Variants in TENM2 observed in about 807,000 individuals in gnomAD.
The protein encoded by TENM2 is teneurin transmembrane protein 2.
A neutral mutation model predicts 245.2 loss-of-function variants in TENM2; 52 were observed. The ratio of observed to expected loss-of-function variants is 0.21; its 90% CI spans 0.17 to 0.27. The LOEUF is 0.27. TENM2 is among the 10% of genes least tolerant of loss of function. TENM2 has a pLI of 1.00. For missense variants in TENM2, 3,046 were observed against 3,666.8 expected (o/e 0.83, Z 4.37); for synonymous variants, 1,363 against 1,438.9 (o/e 0.95, Z 1.19).
intron 2 of TENM2, among the ~76,000 whole-genome samples, chr5:167,385,567 T>A (rs1013090330): frequency 1.3e-5 from 2 of 151,556 alleles, no homozygotes; most frequent in Admixed American, 1.3e-4. Context: ...CATGAGTGAG[T>A]TCTTTAGTGG....
At chr5:168,157,044 C>T (rs1216067143) in intron 12 of TENM2, among the ~76,000 whole-genome samples, 2 of 152,076 alleles carry the variant, frequency 1.3e-5, no homozygotes, top group South Asian at 4.1e-4. Context: ...CATGGCCTAG[C>T]GAGCATCAAG....
chr5:168,158,377 C>G (rs1011775918), intron 12 of TENM2, among the ~76,000 whole-genome samples: 10 of 152,034 alleles, frequency 6.6e-5, no homozygotes, highest in Non-Finnish European at 1.2e-4. Context: ...GGCAGGCAGA[C>G]AGAAAAGATA....
intron 2 of TENM2, among the ~76,000 whole-genome samples, chr5:167,448,465 C>T (rs539193495): frequency 3.3e-5 from 5 of 149,586 alleles, no homozygotes; most frequent in East Asian, 3.9e-4. Flanking sequence ...CTAAACATAA[C>T]GGATGCATTT....
the TENM2 span, among the ~76,000 whole-genome samples, chr5:167,220,757 TC>T: frequency 6.6e-6 from 1 of 152,120 alleles, no homozygotes; most frequent in Admixed American, 6.5e-5. Context: ...ATAATACTAA[TC>T]TAATAAATAA....
At chr5:167,179,305 A>G in the TENM2 span, among the ~76,000 whole-genome samples, 1 of 152,242 alleles carries the variant, frequency 6.6e-6, no homozygotes, top group Non-Finnish European at 1.5e-5. Flanking sequence ...GTACCTTTTA[A>G]AAAGGCTTTT....
chr5:167,394,903 T>C (rs1224465218), intron 2 of TENM2, among the ~76,000 whole-genome samples: 2 of 152,206 alleles, frequency 1.3e-5, no homozygotes, highest in Non-Finnish European at 2.9e-5. Flanking sequence ...GGCTGTAATG[T>C]ATTTTAAAAT....
chr5:167,674,440 T>C (rs766051197), intron 2 of TENM2, among the ~76,000 whole-genome samples: 4 of 152,168 alleles, frequency 2.6e-5, no homozygotes, highest in Non-Finnish European at 4.4e-5. Context: ...CCATAACTGA[T>C]GCCTCTAACA....
At chr5:168,231,747 C>G (rs138702686) in intron 25 of TENM2, among the ~76,000 whole-genome samples, 54 of 151,856 alleles carry the variant, frequency 3.6e-4, no homozygotes, top group Non-Finnish European at 6.6e-4. Context: ...ATAGCAAAAC[C>G]CTGTCTCTAC....
intron 2 of TENM2, among the ~76,000 whole-genome samples, chr5:167,483,018 G>A (rs146140036): frequency 6.6e-5 from 10 of 152,072 alleles, no homozygotes; most frequent in South Asian, 2.1e-4. Flanking sequence ...TCAGATTTTC[G>A]AAAGCTACAG....
chr5:168,200,162 A>G (rs750703610), intron 17 of TENM2, 31 bp downstream of exon 19: 2 of 1,594,330 alleles, frequency 1.3e-6, no homozygotes, highest in Non-Finnish European at 1.7e-6. Context: ...CTTATTGATC[A>G]ATGGATTTAG....
Position 167,736,847 on chromosome 5 carries a change from C to T in TENM2, c.503-139139C>T, listed in dbSNP as rs113389225. Among the ~76,000 whole-genome samples the T allele has an allele frequency of 2.6e-3, 389 of 152,264 alleles. 3 individuals carry two copies. The highest frequency in any genetic ancestry group is 9.1e-3 in the African/African-American group (379 of 41,546). On this transcript the variant is annotated intron_variant, in intron 2 of 28. Coordinates refer to ENST00000518659, the Ensembl canonical transcript of TENM2. ...AGGCTGAAAGAGATATTGAAAGGAA[C>T]ATCCTAACAAGGGGCTGAAGCAGCC...
At chr5:167,383,282 A>G (rs1368502673) in intron 2 of TENM2, among the ~76,000 whole-genome samples, 1 of 152,042 alleles carries the variant, frequency 6.6e-6, no homozygotes, top group East Asian at 1.9e-4. Flanking sequence ...TTTTGGGGGG[A>G]GAGAGAGAAG....
chr5:167,359,494 T>G (rs1395951904), intron 1 of TENM2, among the ~76,000 whole-genome samples: 1 of 151,152 alleles, frequency 6.6e-6, no homozygotes, highest in Non-Finnish European at 1.5e-5. Context: ...TGAATGGCCT[T>G]GCACTCTTCT....
chr5:167,293,013 A>C (rs1429190630), intron 1 of TENM2, among the ~76,000 whole-genome samples: 1 of 152,222 alleles, frequency 6.6e-6, no homozygotes, highest in Non-Finnish European at 1.5e-5. Flanking sequence ...TGGATGAGCT[A>C]GAGTGGCAGA....
chr5:167,370,375 G>C (rs1378052755), intron 1 of TENM2, among the ~76,000 whole-genome samples: 2 of 144,518 alleles, frequency 1.4e-5, no homozygotes, highest in South Asian at 2.2e-4. Context: ...AAAAAAAGAC[G>C]TGGAGAGGAT....
At chr5:167,836,831 A>G (rs1328366572) in intron 2 of TENM2, among the ~76,000 whole-genome samples, 1 of 152,170 alleles carries the variant, frequency 6.6e-6, no homozygotes, top group Admixed American at 6.5e-5. Flanking sequence ...TTGTAGTTAC[A>G]TAAACTACAA....
chr5:167,872,536 GAAAGAAAGAAAGAGAA>G (rs1428541436), intron 2 of TENM2, among the ~76,000 whole-genome samples: 638 of 50,370 alleles, frequency 0.013, 1 homozygote, highest in Non-Finnish European at 0.017. Context: ...AAGAAAGAAA[GAAAGAAAGAAAGAGAA>G]AGAAAGAAAG....
intron 5 of TENM2, among the ~76,000 whole-genome samples, chr5:168,006,702 C>T (rs1417990604): frequency 1.3e-5 from 2 of 152,266 alleles, no homozygotes; most frequent in East Asian, 3.9e-4. Flanking sequence ...AGCCTGTTCA[C>T]GGAGCCACAG....
chr5:167,457,077 T>C (rs1765968431), intron 2 of TENM2, among the ~76,000 whole-genome samples: 1 of 152,134 alleles, frequency 6.6e-6, no homozygotes. Context: ...TGATGGCTTC[T>C]TTCCTCCTTA....
Sources: allele counts gnomAD v4.1 joint callset (sites outside exome capture counted in the v4.1 genomes callset), GRCh38; gene constraint gnomAD v4.1.1; transcripts MANE v1.5; gene names NCBI Gene and HGNC (gene_info 2026-07-23, HGNC 2026-07-21).